FCRL3: variants seen among roughly 807,000 people sequenced by gnomAD.
FCRL3 encodes Fc receptor like 3, also known as Fc receptor-like protein 3.
FCRL3 carries 89 observed loss-of-function variants against 75.0 expected under a neutral mutation model. The observed-to-expected ratio is 1.19, with a 90% CI of 1.00 to 1.42. FCRL3 has a LOEUF of 1.42. Ranked by LOEUF, FCRL3 falls within the 40% of genes most tolerant of loss-of-function variation. The pLI is 0.00. For missense variants in FCRL3, 946 were observed against 880.0 expected (o/e 1.07, Z -0.95); for synonymous variants, 376 against 348.5 (o/e 1.08, Z -0.88).
chr1:157,693,995 C>T (rs1655734649), intron 8 of FCRL3, among the ~76,000 whole-genome samples: 1 of 152,144 alleles, frequency 6.6e-6, no homozygotes. Flanking sequence ...AGTGATTTGC[C>T]CACCTCGGCC....
rs1655978741 is a variant in FCRL3, at chr1:157,697,267, C to G, written c.717G>C (p.Trp239Cys). 16 of 1,612,012 alleles carry G rather than the reference C, an allele frequency of 9.9e-6. No individual in the cohort carries two copies. Among genetic ancestry groups the G allele is most frequent in the Non-Finnish European group, 1.4e-5 (16 of 1,178,766 alleles). Reference sequence around the variant, plus strand: ...GGATCTGGAGTCTGGGGGACCTGCTCCAGCCCAATCCGAGGGTCTGGCTAT... The same window carrying G: ...GGATCTGGAGTCTGGGGGACCTGCTGCAGCCCAATCCGAGGGTCTGGCTAT... The part of the protein sequence containing the change: ...FRDSQTLGLG[W>C]SRSPRLQIPA... Residue 239 changes from tryptophan (W) to cysteine (C), a missense_variant, in exon 6 of 15, where the codon TGG becomes TGC. Trp to Cys is a radical substitution (Grantham distance 215). Coordinates refer to ENST00000368184, the MANE Select transcript of FCRL3 (RefSeq NM_052939.4).
chr1:157,683,035 A>G (rs900615115), intron 11 of FCRL3, among the ~76,000 whole-genome samples, 182 bp downstream of exon 11: 5 of 152,226 alleles, frequency 3.3e-5, no homozygotes, highest in African/African-American at 4.8e-5. Context: ...TTAAGTAGAG[A>G]CAGTGAATAT....
chr1:157,676,998 C>T lies in FCRL3; in HGVS notation c.*1712G>A. 5.3e-6 allele frequency: 7 copies of T among 1,328,052 alleles called. No homozygotes were observed. Among genetic ancestry groups the T allele is most frequent in the Non-Finnish European group, 6.8e-6 (7 of 1,032,784 alleles). 82.3% of individuals were successfully genotyped at this position (1,328,052 alleles called of 1,614,324 possible). A position where few individuals can be genotyped will look rare whatever the true frequency, so the allele number is the denominator to read the frequency against. ...TAGAAGACAGAGACATTTGCCTCCTCCCTCTTCAAGGGACCTTAAAATTTT... is the reference window on the plus strand; with the variant it reads ...TAGAAGACAGAGACATTTGCCTCCTTCCTCTTCAAGGGACCTTAAAATTTT... On this transcript the variant is annotated 3_prime_UTR_variant, in exon 15 of 15. Coordinates refer to ENST00000368184, the MANE Select transcript of FCRL3 (RefSeq NM_052939.4).
chr1:157,678,905 G>T, intron 14 of FCRL3, 37 bp downstream of exon 14: 1 of 1,613,972 alleles, frequency 6.2e-7, no homozygotes, highest in South Asian at 1.1e-5. Context: ...AGGAGAGGAA[G>T]GCCAGAGAGG....
rs758798344 is a variant in FCRL3 at position 157,680,733 on chromosome 1, G to A, written c.1995C>T (p.Ile665=). 1 of 1,614,078 alleles carries A rather than the reference G, an allele frequency of 6.2e-7. No individual in the cohort carries two copies. The highest frequency in any genetic ancestry group is 2.2e-5 in the East Asian group (1 of 44,882). Residue 665 remains isoleucine (I), a synonymous_variant, in exon 13 of 15, where the codon ATC becomes ATT. Coordinates refer to ENST00000368184, the MANE Select transcript of FCRL3 (RefSeq NM_052939.4). The part of the protein sequence containing the change: ...PGDSNPIYSQ[I]WSIQHTKENS... ...TTTCTTTTGTATGCTGGATGCTCCAGATCTGGGAATAAATCGGGTTGCTAT... is the reference window on the plus strand; with the variant it reads ...TTTCTTTTGTATGCTGGATGCTCCAAATCTGGGAATAAATCGGGTTGCTAT...
Position 157,697,813 on chromosome 1 carries a change from C to T in FCRL3, c.405G>A (p.Lys135=), listed in dbSNP as rs1656047130. The change falls in exon 5 of 15, where the codon AAG becomes AAA. Residue 135 remains lysine (K), a synonymous_variant. Transcript: ENST00000368184. The stretch of plus-strand genomic sequence containing the variant: ...AACTATTAGGAAGCTGTTTTCCATC[C>T]TTGTAGTAAACCTTTTGATGAGTGT... ...NKNTHQKVYY[K]DGKQLPNSYN... 1.2e-6 allele frequency: 2 copies of T among 1,614,118 alleles called. No individual in the cohort carries two copies.
At chr1:157,696,865 G>T in intron 6 of FCRL3, 1 of 290,476 alleles carries the variant, frequency 3.4e-6, no homozygotes, top group East Asian at 6.0e-5. Flanking sequence ...TGTGCTTCTA[G>T]TTGTCTCTTG....
intron 3 of FCRL3, 33 bp from the exon 4 acceptor site, chr1:157,698,662 A>T (rs1656121961): frequency 6.2e-7 from 1 of 1,611,858 alleles, no homozygotes; most frequent in African/African-American, 1.3e-5. Flanking sequence ...AAGGCAGGGG[A>T]AGGTCAATGG....
intron 11 of FCRL3, among the ~76,000 whole-genome samples, chr1:157,681,691 C>T (rs933578368): frequency 2.0e-5 from 3 of 151,936 alleles, no homozygotes; most frequent in African/African-American, 7.3e-5. Flanking sequence ...TGAATAGTGC[C>T]ACAATAAACA....
rs1654811754 is a variant in FCRL3 at position 157,681,111 on chromosome 1, G to A, written c.1839-12C>T. ...CACTAGGACTGTGACTGTGACAGAG[G>A]GGGAGAGAATGGATTAAAAAGTATC... On this transcript the variant is annotated splice_polypyrimidine_tract_variant and intron_variant, in intron 11 of 14. Transcript: ENST00000368184. The A allele has an allele frequency of 2.0e-6, 3 of 1,515,024 alleles. No individual in the cohort carries two copies. Among genetic ancestry groups the A allele is most frequent in the Non-Finnish European group, 2.6e-6 (3 of 1,133,770 alleles). The allele number at this position is 1,515,024 out of a possible 1,614,324, so 93.8% of individuals were successfully genotyped here. A position where few individuals can be genotyped will look rare whatever the true frequency, so the allele number is the denominator to read the frequency against.
intron 8 of FCRL3, among the ~76,000 whole-genome samples, chr1:157,693,724 C>T (rs549717385): frequency 5.8e-5 from 8 of 138,910 alleles, no homozygotes; most frequent in African/African-American, 2.2e-4. Context: ...TCCTTCCTTC[C>T]TTTCTCTCTC....
In FCRL3 at chr1:157,695,460, C is replaced by T. The variant is rs1313949887; in HGVS notation, c.1280G>A (p.Ser427Asn). The T allele has an allele frequency of 6.2e-7, 1 of 1,614,216 alleles. No individual in the cohort carries two copies. The highest frequency in any genetic ancestry group is 1.7e-5 in the Admixed American group (1 of 60,030). The stretch of plus-strand genomic sequence containing the variant: ...GGCTCCTCCTCCAGAGGGGGCTGAG[C>T]TGTTCCCCAGGGTGACATCCTCATG... Reference protein sequence around the residue: ...FYHEDVTLGNSSAPSGGGASF... With the variant: ...FYHEDVTLGNNSAPSGGGASF... The change falls in exon 8 of 15, where the codon AGC becomes AAC. Residue 427 changes from serine to asparagine, a missense_variant. Transcript: ENST00000368184.
rs140292392 is a variant in FCRL3, at chr1:157,690,302, T to G, written c.1643A>C (p.Asn548Thr). 2.5e-6 allele frequency: 4 copies of G among 1,614,232 alleles called. No individual in the cohort carries two copies. In the Admixed American group the frequency reaches 5.0e-5, roughly 20 times the overall value. ...TTTACTGTGCTGGGCCCCCAGGCCA[T>G]TGTCAGCCTCACATGAGTAGTTTCC... ...HSGNYSCEAD[N>T]GLGAQHSKVV... The change falls in exon 9 of 15, where the codon AAT becomes ACT. Residue 548 changes from asparagine to threonine, a missense_variant. By Grantham distance (65) the Asn-to-Thr change is moderately conservative. Coordinates refer to ENST00000368184, the MANE Select transcript of FCRL3 (RefSeq NM_052939.4).
chr1:157,698,642 TAGAA>T lies in FCRL3; in HGVS notation c.53-17_53-14del. ...TTTGGGGCCACCCCTAAACAGGAAA[TAGAA>T]AGATGAAGGCAGGGGAAGGTCAATG... On this transcript the variant is annotated splice_polypyrimidine_tract_variant and intron_variant, in intron 3 of 14. Coordinates refer to ENST00000368184, the MANE Select transcript of FCRL3 (RefSeq NM_052939.4). 1 of 1,613,340 alleles carries T rather than the reference TAGAA, an allele frequency of 6.2e-7. No individual in the cohort carries two copies. Among genetic ancestry groups the T allele is most frequent in the Non-Finnish European group, 8.5e-7 (1 of 1,179,488 alleles).
intron 8 of FCRL3, chr1:157,692,174 T>C (rs1012998581): frequency 6.6e-6 from 1 of 152,176 alleles, no homozygotes; most frequent in Admixed American, 6.5e-5. Flanking sequence ...TACTTAAGTG[T>C]TTTTACAGAT....
chr1:157,690,674 T>C (rs2101609541), intron 8 of FCRL3, 141 bp from the exon 9 acceptor site: 2 of 1,023,480 alleles, frequency 2.0e-6, no homozygotes, highest in South Asian at 3.5e-5. Flanking sequence ...CCTGTCTCTA[T>C]CCTTTATTAG....
intron 13 of FCRL3, among the ~76,000 whole-genome samples, chr1:157,680,174 T>C (rs1412887870): frequency 1.3e-5 from 2 of 152,224 alleles, no homozygotes; most frequent in East Asian, 3.9e-4. Flanking sequence ...GAGTTCAGTA[T>C]GGCTAGAGGA....
intron 2 of FCRL3, among the ~76,000 whole-genome samples, chr1:157,699,974 C>T (rs1052874809): frequency 6.6e-6 from 1 of 152,196 alleles, no homozygotes. Flanking sequence ...AGTGCAGAGG[C>T]AGACAAGGAC....
At chr1:157,681,230 G>T in intron 11 of FCRL3, 131 bp from the exon 12 acceptor site, 1 of 476,028 alleles carries the variant, frequency 2.1e-6, no homozygotes, top group Non-Finnish European at 3.5e-6. Context: ...CTTCTGCTTG[G>T]GTCTTTTTTT....
Sources: gnomAD v4.1 joint callset for allele counts (sites outside exome capture counted in the v4.1 genomes callset) on GRCh38, gnomAD v4.1.1 for gene constraint, MANE v1.5 for transcripts, NCBI Gene and HGNC (gene_info 2026-07-23, HGNC 2026-07-21) for gene names.